Variants in MIB1 observed in about 807,000 individuals in gnomAD.
The protein encoded by MIB1 is E3 ubiquitin-protein ligase MIB1.
Under a neutral mutation model 124.5 loss-of-function variants are expected in MIB1, and 278 were observed. The ratio of observed to expected loss-of-function variants is 2.23; its 90% CI spans 2.02 to 2.47. The LOEUF is 2.47. Ranked by LOEUF, MIB1 falls within the 30% of genes most tolerant of loss-of-function variation. The pLI is 0.00. For missense variants in MIB1, 957 were observed against 1,254.4 expected (o/e 0.76, Z 3.58); for synonymous variants, 446 against 429.4 (o/e 1.04, Z -0.48).
At chr18:21,835,801 C>CCACATACACACA (rs2042023490) in intron 12 of MIB1, among the ~76,000 whole-genome samples, 1 of 101,586 alleles carries the variant, frequency 9.8e-6, no homozygotes, top group Admixed American at 1.3e-4. Context: ...ATATATATAT[C>CCACATACACACA]CACACACACA....
intron 6 of MIB1, among the ~76,000 whole-genome samples, chr18:21,784,073 G>A (rs1448353787): frequency 1.3e-4 from 17 of 130,442 alleles, no homozygotes; most frequent in Admixed American, 3.3e-4. Flanking sequence ...TTTTTGATAC[G>A]GAGTCTCGCT....
chr18:21,865,324 G>C lies in MIB1; in HGVS notation c.*658G>C, dbSNP rs559479583. 1 of 151,862 alleles carries C rather than the reference G, an allele frequency of 6.6e-6. No individual in the cohort carries two copies. Among genetic ancestry groups the C allele is most frequent in the African/African-American group, 2.4e-5 (1 of 41,326 alleles). The allele number at this position is 151,862 out of a possible 1,614,324, so 9.4% of individuals were successfully genotyped here. On this transcript the variant is annotated 3_prime_UTR_variant, in exon 21 of 21. Coordinates refer to ENST00000261537, the MANE Select transcript of MIB1 (RefSeq NM_020774.4). ...AAGGAACATTGTTTAACTTGAATCA[G>C]ATTACCAGTTTCAAGGTGACTGATA...
At chr18:21,775,351 C>T (rs2041272499) in intron 4 of MIB1, among the ~76,000 whole-genome samples, 1 of 151,952 alleles carries the variant, frequency 6.6e-6, no homozygotes, top group Admixed American at 6.6e-5. Context: ...ACAAACCTCC[C>T]ACCTCAACCT....
intron 6 of MIB1, among the ~76,000 whole-genome samples, chr18:21,785,022 G>C (rs1157049866): frequency 1.3e-5 from 2 of 152,196 alleles, no homozygotes; most frequent in South Asian, 2.1e-4. Context: ...TAGAATTAGT[G>C]AAAGTATTAA....
At chr18:21,793,812 A>AAAG (rs2041539151) in intron 7 of MIB1, 13 of 140,518 alleles carry the variant, frequency 9.3e-5, no homozygotes, top group Admixed American at 1.5e-4. Context: ...AAAAAAAAAA[A>AAAG]GGCATATCAG....
At chr18:21,758,009 G>T (rs8085697) in intron 1 of MIB1, among the ~76,000 whole-genome samples, 44,741 of 151,892 alleles carry the variant, frequency 0.29, 7,814 homozygotes, top group African/African-American at 0.47. Context: ...ATCAGACCCA[G>T]TTGGGTTTGA....
chr18:21,827,573 A>C (rs1208586395), intron 12 of MIB1: 1 of 152,104 alleles, frequency 6.6e-6, no homozygotes, highest in Non-Finnish European at 1.5e-5. Context: ...GGACCTATAC[A>C]GGTAAACTTA....
chr18:21,835,782 AAAATAT>A lies in MIB1; in HGVS notation c.1830-2581_1830-2576del, dbSNP rs1193815323. ...AAGACTCCATCTCAAGAAAAAAAAA[AAAATAT>A]ATATATATATATCCACACACACACA... On this transcript the variant is annotated intron_variant, in intron 12 of 20. Transcript: ENST00000261537. Among the ~76,000 whole-genome samples the A allele has an allele frequency of 3.3e-4, 37 of 112,296 alleles. 1 individual carries two copies. The highest frequency in any genetic ancestry group is 1.2e-3 in the African/African-American group (34 of 29,338). The allele number at this position is 112,296 out of a possible 152,430, so 73.7% of individuals were successfully genotyped here.
chr18:21,822,710 C>T (rs113126241), intron 12 of MIB1, among the ~76,000 whole-genome samples: 50 of 109,932 alleles, frequency 4.5e-4, no homozygotes, highest in African/African-American at 7.8e-4. Context: ...GTTGATTTTT[C>T]CCCCCCTATA....
chr18:21,815,043 ATATATATATAT>A (rs1568212957), intron 10 of MIB1, among the ~76,000 whole-genome samples: 3 of 125,754 alleles, frequency 2.4e-5, no homozygotes, highest in African/African-American at 1.0e-4. Flanking sequence ...ATATATATAT[ATATATATATAT>A]ATAAAATTAT....
At chr18:21,800,811 A>G (rs1454210490) in intron 9 of MIB1, among the ~76,000 whole-genome samples, 7 of 152,134 alleles carry the variant, frequency 4.6e-5, no homozygotes, top group Non-Finnish European at 8.8e-5. Flanking sequence ...TAGAGAAATC[A>G]ATTGTAGCAA....
intron 12 of MIB1, among the ~76,000 whole-genome samples, chr18:21,830,994 C>T (rs943170677): frequency 6.7e-6 from 1 of 148,422 alleles, no homozygotes; most frequent in Admixed American, 6.8e-5. Flanking sequence ...GAAAGTTAAG[C>T]AATCAAAAAA....
chr18:21,747,200 T>A (rs1024038218), intron 1 of MIB1, among the ~76,000 whole-genome samples: 1 of 152,212 alleles, frequency 6.6e-6, no homozygotes, highest in Non-Finnish European at 1.5e-5. Context: ...AAAATGTCTT[T>A]CTTATTTTAT....
intron 1 of MIB1, among the ~76,000 whole-genome samples, chr18:21,751,337 C>G (rs1041682547): frequency 6.6e-6 from 1 of 152,066 alleles, no homozygotes; most frequent in Non-Finnish European, 1.5e-5. Context: ...GGTGCAGTGG[C>G]ACGATCTTGG....
intron 2 of MIB1, among the ~76,000 whole-genome samples, chr18:21,766,899 G>T (rs1435136637): frequency 6.6e-6 from 1 of 151,920 alleles, no homozygotes; most frequent in African/African-American, 2.4e-5. Context: ...TAAATGAAAA[G>T]AATAGAACAA....
At chr18:21,783,260 T>C (rs111310051) in intron 6 of MIB1, among the ~76,000 whole-genome samples, 4,904 of 151,726 alleles carry the variant, frequency 0.032, 118 homozygotes, top group East Asian at 0.068. Flanking sequence ...TTTTTTTTCT[T>C]GAGATGGAAT....
At chr18:21,827,674 A>G (rs1013551543) in intron 12 of MIB1, 1 of 152,094 alleles carries the variant, frequency 6.6e-6, no homozygotes, top group African/African-American at 2.4e-5. Context: ...AATTTCTTTG[A>G]AAGTGTAGAA....
At chr18:21,795,680 G>A (rs182457987) in intron 7 of MIB1, among the ~76,000 whole-genome samples, 191 of 152,110 alleles carry the variant, frequency 1.3e-3, no homozygotes, top group Non-Finnish European at 2.3e-3. Context: ...ATGAAACTAA[G>A]TGTGTTTCTG....
chr18:21,856,853 G>A (rs1019339973), intron 18 of MIB1, among the ~76,000 whole-genome samples: 3 of 152,064 alleles, frequency 2.0e-5, no homozygotes, highest in Non-Finnish European at 4.4e-5. Context: ...TATTTATTGT[G>A]TCACTTATTT....
Sources: allele counts gnomAD v4.1 joint callset (sites outside exome capture counted in the v4.1 genomes callset), GRCh38; gene constraint gnomAD v4.1.1; transcripts MANE v1.5; gene names NCBI Gene and HGNC (gene_info 2026-07-23, HGNC 2026-07-21).